MGMT: variants seen among roughly 807,000 people sequenced by gnomAD.
The protein encoded by MGMT is O-6-methylguanine-DNA methyltransferase, also known as methylated-DNA--protein-cysteine methyltransferase.
MGMT carries 14 observed loss-of-function variants against 15.9 expected under a neutral mutation model. The observed-to-expected ratio is 0.88, with a 90% CI of 0.58 to 1.37. The LOEUF is 1.37. Among genes scored for constraint, MGMT ranks in the 40% most tolerant of loss-of-function variants. The probability of loss-of-function intolerance (pLI) is 0.00; values close to 1 mark genes in which losing one functional copy is unlikely to be tolerated. For synonymous variants in MGMT, 130 were observed against 118.2 expected, an observed-to-expected ratio of 1.10 and a Z score of -0.65; for missense variants, 282 against 268.1, an observed-to-expected ratio of 1.05 and a Z score of -0.36.
chr10:129,732,355 C>G (rs2133163649), intron 3 of MGMT, among the ~76,000 whole-genome samples: 1 of 127,228 alleles, frequency 7.9e-6, no homozygotes, highest in East Asian at 2.6e-4. Flanking sequence ...TGCCCTGTGT[C>G]CATGTGTTCT....
chr10:129,737,946 G>T (rs1269478393), intron 3 of MGMT, among the ~76,000 whole-genome samples: 4 of 152,210 alleles, frequency 2.6e-5, no homozygotes, highest in Non-Finnish European at 4.4e-5. Context: ...GAGAACCACT[G>T]CTCTCTTCAA....
At chr10:129,716,960 G>T (rs368215637) in intron 3 of MGMT, among the ~76,000 whole-genome samples, 3 of 152,312 alleles carry the variant, frequency 2.0e-5, no homozygotes, top group Non-Finnish European at 4.4e-5. Context: ...AAAAAAGGCC[G>T]CATTGACGCA....
rs1468025271 is a variant in MGMT, at chr10:129,657,715, A to ACACAC, written c.126-50179_126-50175dup. The stretch of plus-strand genomic sequence containing the variant: ...CACACACACACACACACGCACACAC[A>ACACAC]CACACACACACACCCCCTCTCCCCC... On this transcript the variant is annotated intron_variant, in intron 2 of 4. Transcript: ENST00000651593. 2.0e-5 allele frequency among the ~76,000 whole-genome samples: 3 copies of ACACAC among 148,216 alleles called. No homozygotes were observed. The East Asian group carries it at 5.9e-4, about 29-fold the overall frequency.
chr10:129,611,206 A>G (rs1160167068), intron 2 of MGMT, among the ~76,000 whole-genome samples: 1 of 152,172 alleles, frequency 6.6e-6, no homozygotes, highest in Non-Finnish European at 1.5e-5. Flanking sequence ...AGACTGGGTA[A>G]TTTATGAAAG....
chr10:129,529,812 CT>C (rs995034863), intron 1 of MGMT, among the ~76,000 whole-genome samples: 33 of 149,674 alleles, frequency 2.2e-4, no homozygotes, highest in African/African-American at 7.8e-4. Flanking sequence ...GTAACATTAG[CT>C]TTTTTTTGTA....
intron 2 of MGMT, among the ~76,000 whole-genome samples, chr10:129,605,447 G>A (rs547266550): frequency 1.6e-4 from 25 of 151,870 alleles, no homozygotes; most frequent in South Asian, 6.2e-4. Context: ...TCTGACTTCC[G>A]TGTGCTCCCT....
At chr10:129,682,308 A>G (rs1186914392) in intron 2 of MGMT, among the ~76,000 whole-genome samples, 1 of 152,138 alleles carries the variant, frequency 6.6e-6, no homozygotes, top group African/African-American at 2.4e-5. Context: ...ATACTTATGA[A>G]AACAGAATAA....
chr10:129,576,528 A>G (rs556167121), intron 2 of MGMT, among the ~76,000 whole-genome samples: 1 of 152,326 alleles, frequency 6.6e-6, no homozygotes, highest in South Asian at 2.1e-4. Context: ...TATTGATGGG[A>G]CGTATCTCAA....
intron 2 of MGMT, among the ~76,000 whole-genome samples, chr10:129,615,377 G>A (rs1847013049): frequency 6.6e-6 from 1 of 152,062 alleles, no homozygotes; most frequent in Non-Finnish European, 1.5e-5. Flanking sequence ...TTCTCACTGT[G>A]TTTTCCTCTT....
At chr10:129,541,387 G>T (rs958682175) in intron 2 of MGMT, among the ~76,000 whole-genome samples, 1 of 152,230 alleles carries the variant, frequency 6.6e-6, no homozygotes, top group African/African-American at 2.4e-5. Flanking sequence ...GCTCCCCCGC[G>T]CCATCTTCCC....
At chr10:129,478,814 T>A (rs1183825567) in intron 1 of MGMT, among the ~76,000 whole-genome samples, 1 of 152,228 alleles carries the variant, frequency 6.6e-6, no homozygotes, top group Non-Finnish European at 1.5e-5. Flanking sequence ...TGTGTTCTGC[T>A]TCCTGTAGTG....
At chr10:129,609,293 T>A (rs1381395303) in intron 2 of MGMT, among the ~76,000 whole-genome samples, 1 of 151,288 alleles carries the variant, frequency 6.6e-6, no homozygotes, top group East Asian at 2.0e-4. Flanking sequence ...GTTGGCCCGA[T>A]CTGGAGCCCC....
chr10:129,645,233 C>A (rs778865120), intron 2 of MGMT, among the ~76,000 whole-genome samples: 40 of 151,286 alleles, frequency 2.6e-4, no homozygotes, highest in Non-Finnish European at 4.0e-4. Context: ...GATTCTGCTG[C>A]CTCAGCCTCC....
chr10:129,540,072 T>TCGG (rs1310915259), intron 2 of MGMT, among the ~76,000 whole-genome samples: 3 of 152,260 alleles, frequency 2.0e-5, no homozygotes, highest in African/African-American at 4.8e-5. Flanking sequence ...TTCATTGTCC[T>TCGG]CGGCAGCGTT....
chr10:129,597,244 A>G (rs1156687221), intron 2 of MGMT, among the ~76,000 whole-genome samples: 3 of 152,092 alleles, frequency 2.0e-5, no homozygotes, highest in South Asian at 2.1e-4. Context: ...CACCATTGTT[A>G]TGGTTGGCAT....
At chr10:129,626,548 C>T (rs1164399201) in intron 2 of MGMT, among the ~76,000 whole-genome samples, 1 of 152,170 alleles carries the variant, frequency 6.6e-6, no homozygotes, top group East Asian at 1.9e-4. Context: ...TGCAGGGAGA[C>T]GCCTGAGCTG....
intron 2 of MGMT, among the ~76,000 whole-genome samples, chr10:129,560,130 T>G (rs1364098371): frequency 6.6e-6 from 1 of 152,240 alleles, no homozygotes; most frequent in Non-Finnish European, 1.5e-5. Flanking sequence ...TTAATCATTC[T>G]GATGGGAGAG....
intron 2 of MGMT, among the ~76,000 whole-genome samples, chr10:129,548,391 T>G (rs1846119797): frequency 6.6e-6 from 1 of 152,236 alleles, no homozygotes; most frequent in Non-Finnish European, 1.5e-5. Flanking sequence ...AATAGTGGTT[T>G]TTCTTTTCTA....
chr10:129,603,567 G>A (rs1248864088), intron 2 of MGMT, among the ~76,000 whole-genome samples: 1 of 152,168 alleles, frequency 6.6e-6, no homozygotes, highest in African/African-American at 2.4e-5. Flanking sequence ...TGGGAATATT[G>A]TCATCTACTG....
Sources: gnomAD v4.1 joint callset for allele counts (sites outside exome capture counted in the v4.1 genomes callset) on GRCh38, gnomAD v4.1.1 for gene constraint, MANE v1.5 for transcripts, NCBI Gene and HGNC (gene_info 2026-07-23, HGNC 2026-07-21) for gene names.